Variants in MIGA2 observed in about 807,000 individuals in gnomAD.
MIGA2 encodes the protein mitoguardin 2, also known as family with sequence similarity 73, member B.
Under a neutral mutation model 69.9 loss-of-function variants are expected in MIGA2, and 36 were observed. The ratio of observed to expected loss-of-function variants is 0.52; its 90% CI spans 0.39 to 0.68. The LOEUF is 0.68. Ranked by LOEUF, MIGA2 falls within the 30% of genes least tolerant of loss-of-function variation. The pLI is 0.00. For synonymous variants in MIGA2, 333 were observed against 349.2 expected (o/e 0.95, Z 0.52); for missense variants, 660 against 787.7 (o/e 0.84, Z 1.94).
intron 11 of MIGA2, among the ~76,000 whole-genome samples, chr9:129,065,705 A>G (rs1846305189): frequency 6.6e-6 from 1 of 152,164 alleles, no homozygotes; most frequent in Non-Finnish European, 1.5e-5. Context: ...CAGGTTAGGA[A>G]GTGGGACATA....
At chr9:129,039,179 G>T (rs1294873264) in intron 1 of MIGA2, among the ~76,000 whole-genome samples, 8 of 95,724 alleles carry the variant, frequency 8.4e-5, no homozygotes, top group African/African-American at 1.5e-4. Context: ...CTTTGTTTGT[G>T]TGTGTGTGTG....
chr9:129,037,508 C>G (rs938401236), intron 1 of MIGA2, among the ~76,000 whole-genome samples: 1 of 152,090 alleles, frequency 6.6e-6, no homozygotes, highest in African/African-American at 2.4e-5. Context: ...GGGGTCTCAG[C>G]TTAGGCCCTG....
intron 2 of MIGA2, among the ~76,000 whole-genome samples, chr9:129,040,982 G>A (rs1329287719): frequency 2.6e-5 from 4 of 152,146 alleles, no homozygotes; most frequent in Non-Finnish European, 5.9e-5. Context: ...CCTGAGGTCA[G>A]GAGTTCAAGA....
chr9:129,036,912 G>T (rs990005951), intron 1 of MIGA2: 2 of 999,534 alleles, frequency 2.0e-6, no homozygotes, highest in Non-Finnish European at 2.4e-6. Flanking sequence ...CTGGAACGTG[G>T]CGGGGATTGG....
chr9:129,051,229 C>T, intron 6 of MIGA2: 2 of 162,476 alleles, frequency 1.2e-5, no homozygotes, highest in Non-Finnish European at 2.6e-5. Flanking sequence ...ACTTTTTGGG[C>T]AACATCCAAG....
chr9:129,041,739 C>T (rs1019308954), intron 2 of MIGA2, among the ~76,000 whole-genome samples: 2 of 152,126 alleles, frequency 1.3e-5, no homozygotes, highest in African/African-American at 2.4e-5. Context: ...CGAAGATCTG[C>T]CTTGTGGGGT....
In MIGA2 at chr9:129,048,223, A is replaced by C. The variant is rs527923727; in HGVS notation, c.308-204A>C. Among the ~76,000 whole-genome samples, 5 of 152,266 alleles carry C rather than the reference A, an allele frequency of 3.3e-5. No individual in the cohort carries two copies. In the East Asian group the frequency reaches 9.7e-4, roughly 29 times the overall value. ...CTGTGCCCTGTGGCAGGGATATGGC[A>C]GGGATGTGGTCATGAGCAGGACATG... On this transcript the variant is annotated intron_variant, in intron 3 of 15. Transcript: ENST00000684074.
chr9:129,049,323 G>A, intron 4 of MIGA2, 58 bp from the exon 5 acceptor site: 1 of 1,538,804 alleles, frequency 6.5e-7, no homozygotes, highest in Non-Finnish European at 8.9e-7. Context: ...GCTCAGGGGG[G>A]CCCTGCAGAG....
At chr9:129,063,122 G>T in intron 9 of MIGA2, 122 bp from the exon 10 acceptor site, 1 of 974,642 alleles carries the variant, frequency 1.0e-6, no homozygotes, top group South Asian at 1.5e-5. Context: ...CACACTGCCA[G>T]GCTGAGGCAG....
intron 2 of MIGA2, among the ~76,000 whole-genome samples, chr9:129,041,300 C>T (rs1294959790): frequency 1.3e-5 from 2 of 151,898 alleles, no homozygotes; most frequent in African/African-American, 2.4e-5. Flanking sequence ...CCACTACACT[C>T]CAGCCTGGGC....
intron 1 of MIGA2, among the ~76,000 whole-genome samples, chr9:129,040,248 A>G (rs1416936754): frequency 6.6e-6 from 1 of 152,170 alleles, no homozygotes. Context: ...TTCCGCTCGC[A>G]GGGCCCCTGG....
chr9:129,069,340 G>A lies in MIGA2; in HGVS notation c.1458+211G>A. 4 of 623,324 alleles carry A rather than the reference G, an allele frequency of 6.4e-6. No homozygotes were observed. Among genetic ancestry groups the A allele is most frequent in the East Asian group, 2.8e-5 (1 of 36,224 alleles). 38.6% of individuals were successfully genotyped at this position (623,324 alleles called of 1,614,324 possible). A position where few individuals can be genotyped will look rare whatever the true frequency, so the allele number is the denominator to read the frequency against. ...CTCTCCTCCCCAGGCCCAGCACAGA[G>A]CAGGCCACTGGGGAGGGGAACGGAT... On this transcript the variant is annotated intron_variant, in intron 14 of 15. Transcript: ENST00000684074. This position sits in a 1 kb window ranked among gnomAD's most constrained non-coding sequence, Gnocchi z 4.9.
At position 129,067,640 on chromosome 9, in the gene MIGA2, C is replaced by A. The variant is rs1235886469; in HGVS notation, c.1171-133C>A. On this transcript the variant is annotated intron_variant, in intron 11 of 15. Coordinates refer to ENST00000684074, the MANE Select transcript of MIGA2 (RefSeq NM_001329990.2). Reference sequence around the variant, plus strand: ...GCTGTGCTGAGTAGGAGACACTTCTCTGCCACGTTTTCTCTGTGCCTGCTG... The same window carrying A: ...GCTGTGCTGAGTAGGAGACACTTCTATGCCACGTTTTCTCTGTGCCTGCTG... 4 of 757,636 alleles carry A rather than the reference C, an allele frequency of 5.3e-6. No homozygotes were observed. The East Asian group carries it at 1.1e-4, about 20-fold the overall frequency. 46.9% of individuals were successfully genotyped at this position (757,636 alleles called of 1,614,324 possible).
chr9:129,069,171 G>A lies in MIGA2; in HGVS notation c.1458+42G>A, dbSNP rs1200813244. The stretch of plus-strand genomic sequence containing the variant: ...CCCGGGGGAGCACGAGCTGGGCTCT[G>A]AGGCAGCGTGGTGGGGAGCGGAGCG... On this transcript the variant is annotated intron_variant, in intron 14 of 15. Coordinates refer to ENST00000684074, the MANE Select transcript of MIGA2 (RefSeq NM_001329990.2). The surrounding 1 kb of genome is among the most constrained non-coding windows in gnomAD (Gnocchi z 4.9). 1 of 1,612,652 alleles carries A rather than the reference G, an allele frequency of 6.2e-7. No individual in the cohort carries two copies. Among genetic ancestry groups the A allele is most frequent in the Middle Eastern group, 1.7e-4 (1 of 6,002 alleles).
chr9:129,055,209 C>T (rs1311705869), intron 6 of MIGA2, among the ~76,000 whole-genome samples: 2 of 151,782 alleles, frequency 1.3e-5, no homozygotes, highest in Non-Finnish European at 2.9e-5. Flanking sequence ...TCCTGAGTAG[C>T]TGGGATTACA....
intron 5 of MIGA2, 97 bp from the exon 6 acceptor site, chr9:129,049,730 C>T (rs1845418205): frequency 6.3e-7 from 1 of 1,582,680 alleles, no homozygotes; most frequent in Admixed American, 1.8e-5. Context: ...CCAGTTCTTG[C>T]CCTTCAAGGC....
Position 129,069,293 on chromosome 9 carries a change from G to A in MIGA2, c.1458+164G>A. The A allele has an allele frequency of 2.4e-6, 2 of 839,360 alleles. No individual in the cohort carries two copies. The highest frequency in any genetic ancestry group is 1.5e-5 in the South Asian group (1 of 65,742). The allele number at this position is 839,360 out of a possible 1,614,324, so 52.0% of individuals were successfully genotyped here. ...CTCTCCCTGTGCCAGGAGCTCCCTG[G>A]AGGCTCGTGTAGACCCACTTCCTCT... On this transcript the variant is annotated intron_variant, in intron 14 of 15. Coordinates refer to ENST00000684074, the MANE Select transcript of MIGA2 (RefSeq NM_001329990.2). The surrounding 1 kb of genome is among the most constrained non-coding windows in gnomAD (Gnocchi z 4.9).
Position 129,068,251 on chromosome 9 carries a change from C to A in MIGA2, c.1323C>A (p.Ala441=). The A allele has an allele frequency of 6.2e-7, 1 of 1,613,658 alleles. No individual in the cohort carries two copies. The highest frequency in any genetic ancestry group is 8.5e-7 in the Non-Finnish European group (1 of 1,180,016). ...TGCTGGACTTCATCCTCATGGACGC[C>A]TTCGAGGACCTGGAGAACCCTCCGG... The part of the protein sequence containing the change: ...DIVLDFILMD[A]FEDLENPPAS... The change falls in exon 13 of 16, where the codon GCC becomes GCA. Residue 441 remains alanine (A), a synonymous_variant. Coordinates refer to ENST00000684074, the MANE Select transcript of MIGA2 (RefSeq NM_001329990.2). This position sits in a 1 kb window ranked among gnomAD's most constrained non-coding sequence, Gnocchi z 4.1.
At chr9:129,051,093 C>T (rs1322555521) in intron 6 of MIGA2, among the ~76,000 whole-genome samples, 2 of 151,516 alleles carry the variant, frequency 1.3e-5, no homozygotes, top group Non-Finnish European at 2.9e-5. Flanking sequence ...AGGCTGGTCT[C>T]GAACTCCTGA....
Sources: allele counts gnomAD v4.1 joint callset (sites outside exome capture counted in the v4.1 genomes callset), GRCh38; gene constraint gnomAD v4.1.1; non-coding constraint Gnocchi (gnomAD v3.1); transcripts MANE v1.5; gene names NCBI Gene and HGNC (gene_info 2026-07-23, HGNC 2026-07-21).